The following SNAPC3 variants were observed in gnomAD, a reference collection of about 807,000 sequenced individuals.
SNAPC3 encodes the protein snRNA-activating protein complex subunit 3.
SNAPC3 carries 56 observed loss-of-function variants against 47.7 expected under a neutral mutation model. That is an observed-to-expected ratio of 1.18 (90% CI 0.95 to 1.47). SNAPC3 has a LOEUF of 1.47. Ranked by LOEUF, SNAPC3 falls within the 40% of genes most tolerant of loss-of-function variation. The probability of loss-of-function intolerance (pLI) is 0.00; values close to 1 mark genes in which losing one functional copy is unlikely to be tolerated. For missense variants in SNAPC3, 665 were observed against 511.3 expected (o/e 1.30, Z -2.90); for synonymous variants, 235 against 189.9 (o/e 1.24, Z -1.95).
Position 15,457,954 on chromosome 9 carries a change from C to CA in SNAPC3, c.981-2dup. 1 of 1,546,808 alleles carries CA rather than the reference C, an allele frequency of 6.5e-7. No individual in the cohort carries two copies. Among genetic ancestry groups the CA allele is most frequent in the South Asian group, 1.2e-5 (1 of 82,386 alleles). ...CTTAATATCTTTATTTTCCCACGAACAAAAGGCTTGTGCATCATGATGACT... is the reference window on the plus strand; with the variant it reads ...CTTAATATCTTTATTTTCCCACGAACAAAAAGGCTTGTGCATCATGATGACT... On this transcript the variant is annotated splice_polypyrimidine_tract_variant and splice_region_variant and intron_variant, in intron 7 of 8. Coordinates refer to ENST00000380821, the MANE Select transcript of SNAPC3 (RefSeq NM_001039697.2).
intron 3 of SNAPC3, among the ~76,000 whole-genome samples, chr9:15,442,104 CG>C (rs1448477444): frequency 6.7e-6 from 1 of 148,782 alleles, no homozygotes; most frequent in African/African-American, 2.5e-5. Context: ...GCTGGCCAGG[CG>C]GGGGCTGCCC....
chr9:15,432,912 C>G (rs2032343448), intron 2 of SNAPC3, among the ~76,000 whole-genome samples: 1 of 152,050 alleles, frequency 6.6e-6, no homozygotes, highest in South Asian at 2.1e-4. Flanking sequence ...AGTATCTCCC[C>G]CAAAATATTT....
chr9:15,449,040 C>T (rs370058575), intron 5 of SNAPC3, among the ~76,000 whole-genome samples: 114 of 152,234 alleles, frequency 7.5e-4, no homozygotes, highest in African/African-American at 2.7e-3. Context: ...GAACTCCTGA[C>T]TTCAGGTGAT....
At chr9:15,423,265 G>A in intron 1 of SNAPC3, 72 bp downstream of exon 1, 2 of 1,412,814 alleles carry the variant, frequency 1.4e-6, no homozygotes, top group Admixed American at 5.6e-5. Flanking sequence ...GCGCTCCTCT[G>A]GGACTCATCC....
intron 7 of SNAPC3, among the ~76,000 whole-genome samples, chr9:15,454,492 A>C (rs2034625313): frequency 6.6e-6 from 1 of 152,202 alleles, no homozygotes; most frequent in Non-Finnish European, 1.5e-5. Flanking sequence ...AGAGCTTTAC[A>C]CCAGACCCAG....
At chr9:15,423,299 C>A in intron 1 of SNAPC3, 106 bp downstream of exon 1, 1 of 1,189,374 alleles carries the variant, frequency 8.4e-7, no homozygotes, top group Non-Finnish European at 1.1e-6. Flanking sequence ...GTGGTTTAGA[C>A]CTGGGCTAGG....
chr9:15,464,169 A>C (rs147213434), downstream of SNAPC3: 74 of 187,378 alleles, frequency 3.9e-4, no homozygotes, highest in East Asian at 5.8e-3. Context: ...CCAAACAGAT[A>C]ATGACTGGTA....
At chr9:15,457,262 T>C (rs2034864833) in intron 7 of SNAPC3, among the ~76,000 whole-genome samples, 1 of 152,112 alleles carries the variant, frequency 6.6e-6, no homozygotes, top group African/African-American at 2.4e-5. Context: ...AGGTAAAATA[T>C]CACTGAGTAG....
At chr9:15,442,356 C>T (rs1012272313) in intron 3 of SNAPC3, among the ~76,000 whole-genome samples, 36 of 151,236 alleles carry the variant, frequency 2.4e-4, no homozygotes, top group South Asian at 4.2e-4. Flanking sequence ...CGGGCAGAGA[C>T]GCTCCTCACC....
intron 2 of SNAPC3, among the ~76,000 whole-genome samples, chr9:15,430,354 C>G (rs912003888): frequency 2.6e-5 from 4 of 152,060 alleles, no homozygotes; most frequent in African/African-American, 9.7e-5. Context: ...ATCACTTGAG[C>G]CTAGGAGATT....
chr9:15,454,611 T>C (rs1205532037), intron 7 of SNAPC3, among the ~76,000 whole-genome samples: 2 of 151,978 alleles, frequency 1.3e-5, no homozygotes, highest in African/African-American at 2.4e-5. Flanking sequence ...TGTCAGAAAA[T>C]AGGGGACTGA....
intron 8 of SNAPC3, among the ~76,000 whole-genome samples, chr9:15,459,382 A>G (rs1382879259): frequency 6.6e-6 from 1 of 152,230 alleles, no homozygotes; most frequent in Non-Finnish European, 1.5e-5. Flanking sequence ...ATGGTCTGTT[A>G]GAAGAAAATG....
Position 15,423,201 on chromosome 9 carries a change from C to T in SNAPC3, c.314+8C>T. 2.5e-6 allele frequency: 4 copies of T among 1,573,398 alleles called. No homozygotes were observed. Among genetic ancestry groups the T allele is most frequent in the African/African-American group, 1.4e-5 (1 of 72,842 alleles). On this transcript the variant is annotated splice_region_variant and intron_variant, in intron 1 of 8. Coordinates refer to ENST00000380821, the MANE Select transcript of SNAPC3 (RefSeq NM_001039697.2). ...GCTGAGGGCGGTGTGCGGGTGAGTG[C>T]GGAGCAAAGGGGCTCTTGCAGCTTG... is the stretch of plus-strand genomic sequence containing the variant.
intron 3 of SNAPC3, among the ~76,000 whole-genome samples, chr9:15,442,470 C>T (rs1267825402): frequency 2.0e-5 from 3 of 149,268 alleles, no homozygotes; most frequent in Non-Finnish European, 4.5e-5. Context: ...GGCTGCTGGG[C>T]GGAGGGGCTC....
intron 5 of SNAPC3, among the ~76,000 whole-genome samples, chr9:15,448,786 A>G (rs1363525528): frequency 1.3e-5 from 2 of 152,150 alleles, no homozygotes; most frequent in Admixed American, 6.5e-5. Context: ...TCAAAATTTT[A>G]CGCGGAGCAG....
chr9:15,435,695 T>C (rs991903233), intron 3 of SNAPC3, among the ~76,000 whole-genome samples: 2 of 150,658 alleles, frequency 1.3e-5, no homozygotes, highest in African/African-American at 4.9e-5. Context: ...TGCCATTGCA[T>C]TCCAGCCTGG....
At chr9:15,454,239 A>G (rs1022705833) in intron 7 of SNAPC3, among the ~76,000 whole-genome samples, 26 of 152,052 alleles carry the variant, frequency 1.7e-4, no homozygotes, top group African/African-American at 6.3e-4. Context: ...CAAAAAAAAA[A>G]AAAAGAAAAA....
intron 1 of SNAPC3, 57 bp downstream of exon 1, chr9:15,423,250 C>G (rs1211868579): frequency 4.1e-6 from 6 of 1,470,140 alleles, no homozygotes; most frequent in Non-Finnish European, 5.4e-6. Flanking sequence ...TGCAGCCTTG[C>G]TCGTGCGCTC....
chr9:15,448,399 T>C (rs984095410), intron 5 of SNAPC3, among the ~76,000 whole-genome samples: 1 of 152,190 alleles, frequency 6.6e-6, no homozygotes, highest in Non-Finnish European at 1.5e-5. Context: ...CTCTGAGTAT[T>C]TGAACATGGT....
Sources: gnomAD v4.1 joint callset for allele counts (sites outside exome capture counted in the v4.1 genomes callset) on GRCh38, gnomAD v4.1.1 for gene constraint, MANE v1.5 for transcripts, NCBI Gene and HGNC (gene_info 2026-07-23, HGNC 2026-07-21) for gene names.